Variants in HEG1 observed in about 807,000 individuals in gnomAD.
HEG1 encodes the protein protein HEG homolog 1.
HEG1 carries 56 observed loss-of-function variants against 125.6 expected under a neutral mutation model. The ratio of observed to expected loss-of-function variants is 0.45; its 90% CI spans 0.36 to 0.56. The LOEUF (loss-of-function observed/expected upper bound fraction) is 0.56, where lower values mean the gene tolerates loss of function less well. HEG1 is among the 20% of genes least tolerant of loss of function. HEG1 has a pLI of 0.00. For missense variants in HEG1, 1,523 were observed against 1,670.0 expected (o/e 0.91, Z 1.53); for synonymous variants, 644 against 668.5 (o/e 0.96, Z 0.57).
At chr3:125,038,490 C>A (rs543868144) in intron 1 of HEG1, among the ~76,000 whole-genome samples, 8 of 152,342 alleles carry the variant, frequency 5.3e-5, no homozygotes, top group African/African-American at 1.9e-4. Context: ...GAGCAGGCAA[C>A]ACCCCCAGCC....
intron 3 of HEG1, among the ~76,000 whole-genome samples, chr3:125,022,623 C>T (rs886412172): frequency 1.3e-5 from 2 of 151,660 alleles, no homozygotes; most frequent in Non-Finnish European, 2.9e-5. Flanking sequence ...ACCACCAAAA[C>T]CCACCTCTAC....
intron 1 of HEG1, among the ~76,000 whole-genome samples, chr3:125,052,790 A>G (rs542010217): frequency 2.0e-5 from 3 of 152,332 alleles, no homozygotes; most frequent in South Asian, 2.1e-4. Flanking sequence ...CAATGGCTAT[A>G]TAAACAGGGA....
At chr3:124,981,389 C>T (rs1334570648) in intron 14 of HEG1, among the ~76,000 whole-genome samples, 1 of 152,154 alleles carries the variant, frequency 6.6e-6, no homozygotes, top group Non-Finnish European at 1.5e-5. Flanking sequence ...AGTGCTCACT[C>T]TCAACTTCTG....
At chr3:124,996,770 G>C (rs915482128) in intron 12 of HEG1, among the ~76,000 whole-genome samples, 3 of 152,218 alleles carry the variant, frequency 2.0e-5, no homozygotes, top group Non-Finnish European at 4.4e-5. Context: ...TTTTTATTCA[G>C]ATTCCAGTAA....
intron 1 of HEG1, among the ~76,000 whole-genome samples, chr3:125,053,613 G>A (rs1423873018): frequency 6.6e-6 from 1 of 152,190 alleles, no homozygotes; most frequent in African/African-American, 2.4e-5. Flanking sequence ...AAGAGAAGGT[G>A]TACACTATTC....
intron 1 of HEG1, among the ~76,000 whole-genome samples, chr3:125,042,883 G>A (rs544947166): frequency 2.3e-4 from 35 of 152,348 alleles, no homozygotes; most frequent in African/African-American, 7.7e-4. Context: ...CCCACTCAGC[G>A]AGGCCACTCT....
chr3:124,995,654 A>G (rs977220242), intron 12 of HEG1, among the ~76,000 whole-genome samples: 2 of 152,244 alleles, frequency 1.3e-5, no homozygotes, highest in Admixed American at 6.5e-5. Flanking sequence ...CTGTGGCCCA[A>G]GAAGCCCGGA....
intron 3 of HEG1, among the ~76,000 whole-genome samples, chr3:125,022,610 C>G (rs933885390): frequency 2.0e-5 from 3 of 151,478 alleles, no homozygotes; most frequent in African/African-American, 7.3e-5. Context: ...AATAGAGTCC[C>G]AGACCACCAA....
intron 14 of HEG1, 82 bp downstream of exon 14, chr3:124,990,705 A>AGT (rs1369795659): frequency 8.5e-6 from 11 of 1,299,572 alleles, no homozygotes; most frequent in Non-Finnish European, 1.2e-5. Context: ...AACTGAGGGA[A>AGT]GTGGGAGGAG....
chr3:124,971,199 G>GTAAA (rs1182981098), intron 16 of HEG1: 1 of 456,910 alleles, frequency 2.2e-6, no homozygotes, highest in Non-Finnish European at 4.4e-6. Context: ...AGCAACAAAG[G>GTAAA]TAAATTATTT....
intron 15 of HEG1, 135 bp from the exon 16 acceptor site, chr3:124,974,040 T>C (rs1936492732): frequency 6.4e-6 from 4 of 622,200 alleles, no homozygotes; most frequent in Non-Finnish European, 8.2e-6. Context: ...CACTGAGTAG[T>C]ATTATTATTG....
At chr3:125,019,113 C>A in intron 5 of HEG1, 149 bp downstream of exon 5, 3 of 629,990 alleles carry the variant, frequency 4.8e-6, no homozygotes, top group Non-Finnish European at 5.5e-6. Flanking sequence ...GATGATCCAC[C>A]CACCTCGGCC....
At chr3:125,011,665 C>T (rs986299758) in intron 6 of HEG1, among the ~76,000 whole-genome samples, 6 of 152,136 alleles carry the variant, frequency 3.9e-5, no homozygotes, top group Admixed American at 2.6e-4. Flanking sequence ...TTATGAGCCT[C>T]CAGCCCAGGT....
intron 5 of HEG1, among the ~76,000 whole-genome samples, chr3:125,018,517 T>C (rs1190993362): frequency 6.6e-6 from 1 of 152,178 alleles, no homozygotes; most frequent in Non-Finnish European, 1.5e-5. Flanking sequence ...GCAAATACTA[T>C]GGAATATGAA....
intron 3 of HEG1, among the ~76,000 whole-genome samples, chr3:125,024,461 G>A (rs567274560): frequency 6.6e-6 from 1 of 152,224 alleles, no homozygotes; most frequent in East Asian, 1.9e-4. Context: ...TTTTTTCCCT[G>A]TTCGTTGCTT....
chr3:124,978,054 G>A, intron 14 of HEG1, 108 bp from the exon 15 acceptor site: 2 of 740,856 alleles, frequency 2.7e-6, no homozygotes, highest in Non-Finnish European at 4.4e-6. Context: ...CTGCCTTGAG[G>A]GGTGCCCTCG....
chr3:125,053,697 T>A (rs1220985416), intron 1 of HEG1, among the ~76,000 whole-genome samples: 1 of 152,168 alleles, frequency 6.6e-6, no homozygotes, highest in Non-Finnish European at 1.5e-5. Flanking sequence ...GAAGCCTCCA[T>A]CACTCACCTC....
At chr3:125,022,564 T>C (rs1331038143) in intron 3 of HEG1, among the ~76,000 whole-genome samples, 1 of 151,036 alleles carries the variant, frequency 6.6e-6, no homozygotes, top group East Asian at 1.9e-4. Context: ...ATAAAACTAG[T>C]AATGGAAACA....
chr3:125,049,084 T>G (rs1466588076), intron 1 of HEG1, among the ~76,000 whole-genome samples: 1 of 152,184 alleles, frequency 6.6e-6, no homozygotes, highest in African/African-American at 2.4e-5. Context: ...CTTCCATGCC[T>G]ATCATACGGT....
Sources: allele counts gnomAD v4.1 joint callset (sites outside exome capture counted in the v4.1 genomes callset), GRCh38; gene constraint gnomAD v4.1.1; transcripts MANE v1.5; gene names NCBI Gene and HGNC (gene_info 2026-07-23, HGNC 2026-07-21).